Variants in KCNJ12 observed in about 807,000 individuals in gnomAD.
KCNJ12 encodes potassium inwardly rectifying channel subfamily J member 12.
In KCNJ12, 2 loss-of-function variants were observed where a neutral mutation model predicts 22.3. The observed-to-expected ratio is 0.09, with a 90% CI of 0.04 to 0.28. The LOEUF (loss-of-function observed/expected upper bound fraction) is 0.28, where lower values mean the gene tolerates loss of function less well. Among genes scored for constraint, KCNJ12 ranks in the 10% least tolerant of loss-of-function variants. The pLI is 1.00. For missense variants in KCNJ12, 155 were observed against 633.3 expected, an observed-to-expected ratio of 0.24 and a Z score of 8.11; for synonymous variants, 117 against 261.4, an observed-to-expected ratio of 0.45 and a Z score of 5.33.
At chr17:21,390,677 G>C (rs1214424668) in intron 1 of KCNJ12, among the ~76,000 whole-genome samples, 2 of 152,192 alleles carry the variant, frequency 1.3e-5, no homozygotes, top group Non-Finnish European at 2.9e-5. Flanking sequence ...CCCTGGTCCA[G>C]AGTTTGGTTG....
At chr17:21,404,802 G>A (rs28422881) in intron 1 of KCNJ12, among the ~76,000 whole-genome samples, 91,948 of 141,192 alleles carry the variant, frequency 0.65, 27,913 homozygotes, top group Middle Eastern at 0.69. Flanking sequence ...TCTCAAGATA[G>A]AAATACCGTC....
At chr17:21,405,421 A>T (rs1905872264) in intron 1 of KCNJ12, 1 of 151,942 alleles carries the variant, frequency 6.6e-6, no homozygotes, top group African/African-American at 2.4e-5. Context: ...GACAGCTGCC[A>T]CCTCCCAGAG....
intron 1 of KCNJ12, among the ~76,000 whole-genome samples, chr17:21,385,403 G>T (rs1905040170): frequency 7.2e-5 from 11 of 152,206 alleles, no homozygotes; most frequent in Admixed American, 7.2e-4. Flanking sequence ...GGCACTGCAG[G>T]CAAGACAGGG....
At chr17:21,392,100 T>A (rs1412928599) in intron 1 of KCNJ12, among the ~76,000 whole-genome samples, 1 of 152,178 alleles carries the variant, frequency 6.6e-6, no homozygotes, top group African/African-American at 2.4e-5. Context: ...CTTCCCTCTC[T>A]CCTGAGCTGC....
At chr17:21,398,486 G>A (rs1468787612) in intron 1 of KCNJ12, among the ~76,000 whole-genome samples, 1 of 152,238 alleles carries the variant, frequency 6.6e-6, no homozygotes, top group Non-Finnish European at 1.5e-5. Context: ...AGCATGCTGG[G>A]CCATCCCTCC....
At chr17:21,387,086 G>T (rs1555558748) in intron 1 of KCNJ12, among the ~76,000 whole-genome samples, 1 of 152,124 alleles carries the variant, frequency 6.6e-6, no homozygotes, top group Non-Finnish European at 1.5e-5. Flanking sequence ...AACCCGGGGG[G>T]CGGAGCCTGC....
At chr17:21,382,753 T>G (rs1047232575) in intron 1 of KCNJ12, among the ~76,000 whole-genome samples, 1 of 152,118 alleles carries the variant, frequency 6.6e-6, no homozygotes, top group African/African-American at 2.4e-5. Context: ...TGTGCCCGGT[T>G]GGCCAGGTGT....
At chr17:21,382,663 C>G (rs1427971692) in intron 1 of KCNJ12, among the ~76,000 whole-genome samples, 1 of 152,194 alleles carries the variant, frequency 6.6e-6, no homozygotes, top group Non-Finnish European at 1.5e-5. Context: ...CCCTGGATGT[C>G]CATGTTGCCT....
chr17:21,394,489 G>A (rs868964429), intron 1 of KCNJ12, among the ~76,000 whole-genome samples: 2 of 152,132 alleles, frequency 1.3e-5, no homozygotes, highest in African/African-American at 2.4e-5. Context: ...ATCGTTAATC[G>A]AGGCATGACT....
At chr17:21,384,489 C>T (rs1172198036) in intron 1 of KCNJ12, among the ~76,000 whole-genome samples, 1 of 152,172 alleles carries the variant, frequency 6.6e-6, no homozygotes, top group Non-Finnish European at 1.5e-5. Context: ...TGCCTCCATC[C>T]CCAGAGCTCA....
intron 1 of KCNJ12, among the ~76,000 whole-genome samples, chr17:21,393,824 G>A (rs1555559599): frequency 6.6e-6 from 1 of 152,266 alleles, no homozygotes; most frequent in East Asian, 1.9e-4. Flanking sequence ...CTGAGCAGTA[G>A]GGCAAACACC....
At chr17:21,403,913 C>T (rs1318596615) in intron 1 of KCNJ12, among the ~76,000 whole-genome samples, 1 of 152,312 alleles carries the variant, frequency 6.6e-6, no homozygotes, top group Admixed American at 6.5e-5. Flanking sequence ...GCCTTGTTGC[C>T]CCAGAACTCT....
chr17:21,377,428 C>G (rs1247488489), intron 1 of KCNJ12, among the ~76,000 whole-genome samples: 1 of 152,194 alleles, frequency 6.6e-6, no homozygotes, highest in East Asian at 1.9e-4. Flanking sequence ...TCTCACCTCC[C>G]GTGCTGTAAT....
chr17:21,391,711 C>A (rs1010805061), intron 1 of KCNJ12, among the ~76,000 whole-genome samples: 1 of 152,238 alleles, frequency 6.6e-6, no homozygotes, highest in African/African-American at 2.4e-5. Context: ...GGCCTTTCTT[C>A]CCCGGTCTGC....
At chr17:21,392,380 G>A (rs974264615) in intron 1 of KCNJ12, among the ~76,000 whole-genome samples, 7 of 152,238 alleles carry the variant, frequency 4.6e-5, no homozygotes, top group African/African-American at 9.6e-5. Flanking sequence ...AGGGAAGGAC[G>A]AGTCTGGCCA....
intron 2 of KCNJ12, among the ~76,000 whole-genome samples, 195 bp downstream of exon 2, chr17:21,408,835 C>T (rs1414807257): frequency 1.0e-4 from 16 of 152,416 alleles, no homozygotes; most frequent in South Asian, 8.3e-4. Context: ...CCATGCCATC[C>T]GTTCCTCACC....
At chr17:21,408,216 T>C (rs1906098329) in intron 1 of KCNJ12, among the ~76,000 whole-genome samples, 1 of 152,300 alleles carries the variant, frequency 6.6e-6, no homozygotes, top group Non-Finnish European at 1.5e-5. Flanking sequence ...TTGTGAGGAT[T>C]ATGTGAGATG....
At chr17:21,385,881 C>G (rs528168169) in intron 1 of KCNJ12, among the ~76,000 whole-genome samples, 22 of 152,192 alleles carry the variant, frequency 1.4e-4, no homozygotes, top group Non-Finnish European at 2.8e-4. Context: ...GAGCAGGAAC[C>G]CTGGGAGCCT....
In KCNJ12 at chr17:21,416,474, G is replaced by C. The variant is rs78547883; in HGVS notation, c.1132G>C (p.Glu378Gln). The C allele has an allele frequency of 6.3e-7, 1 of 1,584,630 alleles. No homozygotes were observed. The highest frequency in any genetic ancestry group is 8.6e-7 in the Non-Finnish European group (1 of 1,162,980). The change falls in exon 3 of 3, where the codon GAG becomes CAG. Residue 378 changes from glutamate to glutamine, a missense_variant. Glu to Gln is a conservative substitution (Grantham distance 29). Coordinates refer to ENST00000583088, the MANE Select transcript of KCNJ12 (RefSeq NM_021012.5). ...LLPSANSFCY[E>Q]NELAFLSRDE... ...GCCCAGCGCCAACTCCTTCTGCTAC[G>C]AGAACGAGCTGGCCTTCCTGAGCCG...
Sources: allele counts gnomAD v4.1 joint callset (sites outside exome capture counted in the v4.1 genomes callset), GRCh38; gene constraint gnomAD v4.1.1; transcripts MANE v1.5; gene names NCBI Gene and HGNC (gene_info 2026-07-23, HGNC 2026-07-21).